Variants in MYLK observed in about 807,000 individuals in gnomAD.
MYLK encodes myosin light chain kinase.
In MYLK, 106 loss-of-function variants were observed where a neutral mutation model predicts 203.4. The ratio of observed to expected loss-of-function variants is 0.52; its 90% confidence interval spans 0.45 to 0.61. MYLK has a LOEUF of 0.61. MYLK is among the 20% of genes least tolerant of loss of function. MYLK has a pLI of 0.00. For synonymous variants in MYLK, 867 were observed against 959.5 expected, an observed-to-expected ratio of 0.90 and a Z score of 1.78; for missense variants, 2,072 against 2,442.3, an observed-to-expected ratio of 0.85 and a Z score of 3.20.
intron 4 of MYLK, among the ~76,000 whole-genome samples, chr3:123,790,938 A>T (rs562379949): frequency 5.8e-4 from 89 of 152,338 alleles, no homozygotes; most frequent in Non-Finnish European, 8.5e-4. Context: ...GTCAGCTGTG[A>T]CAGGGACCAG....
chr3:123,709,509 T>C (rs2108650029), intron 14 of MYLK: 2 of 523,638 alleles, frequency 3.8e-6, no homozygotes, highest in Admixed American at 3.1e-5. Flanking sequence ...TTCAAATTAA[T>C]CTTTCACTGC....
chr3:123,810,200 A>G (rs1024788472), intron 3 of MYLK, among the ~76,000 whole-genome samples: 1 of 152,162 alleles, frequency 6.6e-6, no homozygotes, highest in Non-Finnish European at 1.5e-5. Context: ...ATACAATGAC[A>G]TAAGTGCTGT....
At chr3:123,703,934 C>A (rs1480100582) in intron 16 of MYLK, among the ~76,000 whole-genome samples, 1 of 152,240 alleles carries the variant, frequency 6.6e-6, no homozygotes, top group African/African-American at 2.4e-5. Flanking sequence ...CCCAGCTGGA[C>A]TCCTCTGAGG....
intron 3 of MYLK, among the ~76,000 whole-genome samples, chr3:123,825,273 G>C (rs2066077457): frequency 6.6e-6 from 1 of 152,198 alleles, no homozygotes. Context: ...AGAAATGTTG[G>C]TAGGGAGAGT....
chr3:123,833,314 G>A (rs2066392896), intron 2 of MYLK, among the ~76,000 whole-genome samples: 1 of 152,128 alleles, frequency 6.6e-6, no homozygotes, highest in Non-Finnish European at 1.5e-5. Flanking sequence ...GAAGAGAAAG[G>A]TCAAGCTCAG....
At chr3:123,762,341 A>G (rs982923258) in intron 4 of MYLK, among the ~76,000 whole-genome samples, 2 of 151,438 alleles carry the variant, frequency 1.3e-5, no homozygotes, top group Non-Finnish European at 2.9e-5. Flanking sequence ...CGATCCTCCC[A>G]CCCAGAGCCT....
At chr3:123,722,557 G>A (rs1316225322) in intron 12 of MYLK, among the ~76,000 whole-genome samples, 1 of 152,174 alleles carries the variant, frequency 6.6e-6, no homozygotes, top group Non-Finnish European at 1.5e-5. Flanking sequence ...GGAGAATCTG[G>A]AGGAATTAAA....
At chr3:123,826,099 T>C (rs143449296) in intron 3 of MYLK, among the ~76,000 whole-genome samples, 98 of 151,852 alleles carry the variant, frequency 6.5e-4, no homozygotes, top group South Asian at 1.0e-3. Context: ...CCACAGGACA[T>C]TCCTGGCAGG....
intron 2 of MYLK, among the ~76,000 whole-genome samples, chr3:123,840,462 A>C (rs1027028229): frequency 2.0e-5 from 3 of 151,310 alleles, no homozygotes; most frequent in African/African-American, 7.3e-5. Context: ...ATAATATAAA[A>C]ACTTGACAAC....
At chr3:123,869,530 C>T (rs2032591705) in intron 2 of MYLK, among the ~76,000 whole-genome samples, 1 of 152,096 alleles carries the variant, frequency 6.6e-6, no homozygotes, top group South Asian at 2.1e-4. Context: ...CTTGAATCAC[C>T]CCTCCCCATC....
chr3:123,877,814 T>C (rs2033262510), intron 1 of MYLK, among the ~76,000 whole-genome samples: 1 of 152,134 alleles, frequency 6.6e-6, no homozygotes, highest in South Asian at 2.1e-4. Context: ...AAATACCAAA[T>C]GGAAATTTAA....
At chr3:123,825,064 A>G (rs2066067424) in intron 3 of MYLK, among the ~76,000 whole-genome samples, 2 of 151,866 alleles carry the variant, frequency 1.3e-5, no homozygotes, top group African/African-American at 4.8e-5. Flanking sequence ...AGGATTGTTT[A>G]AACCTGAGAG....
intron 29 of MYLK, among the ~76,000 whole-genome samples, chr3:123,637,391 T>C (rs2058679631): frequency 1.3e-5 from 2 of 152,180 alleles, no homozygotes; most frequent in African/African-American, 2.4e-5. Flanking sequence ...AACCCTGCAA[T>C]GTAAGGAGCC....
At chr3:123,670,305 G>A (rs2059875080) in intron 20 of MYLK, among the ~76,000 whole-genome samples, 1 of 152,156 alleles carries the variant, frequency 6.6e-6, no homozygotes, top group Admixed American at 6.6e-5. Flanking sequence ...GGACCTGAAG[G>A]CTAGGGAAGG....
chr3:123,709,133 A>T, intron 14 of MYLK: 1 of 323,248 alleles, frequency 3.1e-6, no homozygotes, highest in Non-Finnish European at 5.6e-6. Flanking sequence ...GTTCTCACAT[A>T]ATTTTTTTTT....
chr3:123,674,527 G>A (rs372258299), intron 20 of MYLK, among the ~76,000 whole-genome samples: 1 of 152,196 alleles, frequency 6.6e-6, no homozygotes. Context: ...TCCCAAGAGG[G>A]AACAACTTTC....
chr3:123,851,739 T>C (rs1210471951), intron 2 of MYLK, among the ~76,000 whole-genome samples: 3 of 152,108 alleles, frequency 2.0e-5, no homozygotes, highest in Admixed American at 1.3e-4. Flanking sequence ...CCTTTATTTC[T>C]TTCTCCTGCC....
chr3:123,848,752 G>A (rs2030373753), intron 2 of MYLK, among the ~76,000 whole-genome samples: 1 of 152,162 alleles, frequency 6.6e-6, no homozygotes, highest in African/African-American at 2.4e-5. Flanking sequence ...GAGGCAGCAA[G>A]CATGAGTATG....
At chr3:123,671,049 A>C (rs1293287054) in intron 20 of MYLK, among the ~76,000 whole-genome samples, 1 of 152,280 alleles carries the variant, frequency 6.6e-6, no homozygotes, top group Non-Finnish European at 1.5e-5. Flanking sequence ...CTTGGAAGGC[A>C]CTGATCAAGA....
Sources: gnomAD v4.1 joint callset for allele counts (sites outside exome capture counted in the v4.1 genomes callset) on GRCh38, gnomAD v4.1.1 for gene constraint, MANE v1.5 for transcripts, NCBI Gene and HGNC (gene_info 2026-07-23, HGNC 2026-07-21) for gene names.